The following MTURN variants were observed in gnomAD, a reference collection of about 807,000 sequenced individuals.
The protein encoded by MTURN is maturin, neural progenitor differentiation regulator homolog, also known as maturin.
In MTURN, 7 loss-of-function variants were observed where a neutral mutation model predicts 14.9. The ratio of observed to expected loss-of-function variants is 0.47; its 90% CI spans 0.27 to 0.88. The LOEUF is 0.88. Among genes scored for constraint, MTURN ranks in the 40% least tolerant of loss-of-function variants. MTURN has a pLI of 0.14. For synonymous variants in MTURN, 69 were observed against 72.5 expected (o/e 0.95, Z 0.25); for missense variants, 151 against 174.1 (o/e 0.87, Z 0.75).
At chr7:30,148,734 A>G (rs889851155) in intron 2 of MTURN, among the ~76,000 whole-genome samples, 1 of 131,534 alleles carries the variant, frequency 7.6e-6, no homozygotes, top group Non-Finnish European at 1.6e-5. Flanking sequence ...AGTGAAGGGA[A>G]TGGCCTAGTC....
rs970020280 is a variant in MTURN, at chr7:30,158,366, C to T, written c.*818C>T. 11 of 152,600 alleles carry T rather than the reference C, an allele frequency of 7.2e-5. No individual in the cohort carries two copies. The highest frequency in any genetic ancestry group is 2.0e-4 in the Admixed American group (3 of 15,282). 9.5% of individuals were successfully genotyped at this position (152,600 alleles called of 1,614,324 possible). A position where few individuals can be genotyped will look rare whatever the true frequency, so the allele number is the denominator to read the frequency against. Reference sequence around the variant, plus strand: ...TTCTCTCTTTCTAATGAGATGGCCGCTTGTTAAATCATGAAAACATCCAGA... The same window carrying T: ...TTCTCTCTTTCTAATGAGATGGCCGTTTGTTAAATCATGAAAACATCCAGA... On this transcript the variant is annotated 3_prime_UTR_variant, in exon 3 of 3. Coordinates refer to ENST00000324453, the MANE Select transcript of MTURN (RefSeq NM_152793.3).
chr7:30,152,306 T>C (rs977714846), intron 2 of MTURN, among the ~76,000 whole-genome samples: 2 of 152,056 alleles, frequency 1.3e-5, no homozygotes, highest in South Asian at 4.1e-4. Context: ...GAAGACTGAC[T>C]GACAGACCAG....
intron 1 of MTURN, 74 bp downstream of exon 1, chr7:30,135,372 C>A: frequency 7.4e-7 from 1 of 1,360,542 alleles, no homozygotes; most frequent in Non-Finnish European, 9.6e-7. Context: ...CGCCCGAGCT[C>A]CCGCGCGGTG....
intron 1 of MTURN, among the ~76,000 whole-genome samples, chr7:30,138,952 A>G (rs1797008104): frequency 6.6e-6 from 1 of 151,998 alleles, no homozygotes; most frequent in South Asian, 2.1e-4. Flanking sequence ...GCCCAAGAGA[A>G]GCCTTCCTGA....
chr7:30,145,263 C>A (rs1414769121), intron 1 of MTURN, among the ~76,000 whole-genome samples: 1 of 152,176 alleles, frequency 6.6e-6, no homozygotes, highest in African/African-American at 2.4e-5. Flanking sequence ...GTAGTCCCAG[C>A]AATTTGGGAG....
intron 1 of MTURN, among the ~76,000 whole-genome samples, chr7:30,138,855 G>A (rs1797006658): frequency 6.6e-6 from 1 of 152,090 alleles, no homozygotes; most frequent in Non-Finnish European, 1.5e-5. Flanking sequence ...GCGCATTCCT[G>A]CCTCAAGGCC....
chr7:30,141,569 G>C (rs1048088881), intron 1 of MTURN, among the ~76,000 whole-genome samples: 1 of 152,060 alleles, frequency 6.6e-6, no homozygotes, highest in African/African-American at 2.4e-5. Flanking sequence ...TCTTGCTCAC[G>C]CTGGAGTACA....
rs538567134 is a variant in MTURN, at chr7:30,159,552, A to G, written c.*2004A>G. On this transcript the variant is annotated 3_prime_UTR_variant, in exon 3 of 3. Coordinates refer to ENST00000324453, the MANE Select transcript of MTURN (RefSeq NM_152793.3). ...TCAAAAAAGTGTTTAGACTTTGACC[A>G]AATACATGTTGGTATTATCATGTTA... 2.4e-4 allele frequency: 36 copies of G among 152,798 alleles called. 1 individual carries two copies. The highest frequency in any genetic ancestry group is 9.1e-4 in the Admixed American group (14 of 15,308). 9.5% of individuals were successfully genotyped at this position (152,798 alleles called of 1,614,324 possible).
At chr7:30,154,862 C>T (rs1456129728) in intron 2 of MTURN, among the ~76,000 whole-genome samples, 5 of 152,114 alleles carry the variant, frequency 3.3e-5, no homozygotes, top group African/African-American at 1.2e-4. Flanking sequence ...AGTAGATGTG[C>T]TGGTTTCATC....
At chr7:30,144,672 G>A (rs1797102837) in intron 1 of MTURN, among the ~76,000 whole-genome samples, 1 of 152,088 alleles carries the variant, frequency 6.6e-6, no homozygotes, top group African/African-American at 2.4e-5. Context: ...ACAGATAATT[G>A]GGGTATAAAG....
chr7:30,145,785 G>C, intron 1 of MTURN: 1 of 1,477,116 alleles, frequency 6.8e-7, no homozygotes, highest in Non-Finnish European at 9.0e-7. Context: ...TTCAGCCGTA[G>C]CTGAAAGCAA....
At chr7:30,146,553 G>GT (rs374605521) in intron 2 of MTURN, among the ~76,000 whole-genome samples, 1 of 152,082 alleles carries the variant, frequency 6.6e-6, no homozygotes, top group Non-Finnish European at 1.5e-5. Context: ...CCCTGATGGG[G>GT]GGGGAAGCAA....
At chr7:30,145,190 A>G (rs1386763694) in intron 1 of MTURN, among the ~76,000 whole-genome samples, 1 of 152,144 alleles carries the variant, frequency 6.6e-6, no homozygotes, top group Admixed American at 6.5e-5. Context: ...CCTCACATGG[A>G]AAAAAGCCTT....
chr7:30,149,894 ACT>A (rs1797183422), intron 2 of MTURN, among the ~76,000 whole-genome samples: 1 of 152,030 alleles, frequency 6.6e-6, no homozygotes, highest in Non-Finnish European at 1.5e-5. Flanking sequence ...TGCCTACTGC[ACT>A]CTACTGGTTC....
intron 2 of MTURN, among the ~76,000 whole-genome samples, chr7:30,150,567 C>A (rs935845057): frequency 2.0e-5 from 3 of 152,176 alleles, no homozygotes; most frequent in African/African-American, 4.8e-5. Flanking sequence ...TCTAAGTTTT[C>A]TATGATCACA....
At chr7:30,142,731 C>G (rs952918230) in intron 1 of MTURN, among the ~76,000 whole-genome samples, 2 of 152,158 alleles carry the variant, frequency 1.3e-5, no homozygotes, top group South Asian at 4.1e-4. Flanking sequence ...AGAACCGCTT[C>G]CCTCTACTCC....
In MTURN at chr7:30,138,842, C is replaced by T. The variant is rs75039269; in HGVS notation, c.162+3544C>T. 4.0e-3 allele frequency among the ~76,000 whole-genome samples: 611 copies of T among 152,322 alleles called. 6 individuals are homozygous for T. Among genetic ancestry groups the T allele is most frequent in the African/African-American group, 0.014 (595 of 41,570 alleles). On this transcript the variant is annotated intron_variant, in intron 1 of 2. Transcript: ENST00000324453. ...AGACCCTGCTGGTCCTCAGATGTGC[C>T]AAGCGCATTCCTGCCTCAAGGCCTT... is the stretch of plus-strand genomic sequence containing the variant.
chr7:30,136,225 A>G (rs1796958237), intron 1 of MTURN, among the ~76,000 whole-genome samples: 1 of 152,196 alleles, frequency 6.6e-6, no homozygotes, highest in Non-Finnish European at 1.5e-5. Context: ...GCGGTGTCCA[A>G]ACCTTCCACT....
In MTURN at chr7:30,135,403, G is replaced by T. The variant is rs1242646191; in HGVS notation, c.162+105G>T. The stretch of plus-strand genomic sequence containing the variant: ...CGGTGGGCGGCGGTGGGCGCAGAGT[G>T]GGGGGCCGTAACCCGCGCCCCGCGC... On this transcript the variant is annotated intron_variant, in intron 1 of 2. Transcript: ENST00000324453. 14 of 1,071,718 alleles carry T rather than the reference G, an allele frequency of 1.3e-5. No homozygotes were observed. In the East Asian group the frequency reaches 4.9e-4, roughly 38 times the overall value. The allele number at this position is 1,071,718 out of a possible 1,614,324, so 66.4% of individuals were successfully genotyped here.
Sources: gnomAD v4.1 joint callset for allele counts (sites outside exome capture counted in the v4.1 genomes callset) on GRCh38, gnomAD v4.1.1 for gene constraint, MANE v1.5 for transcripts, NCBI Gene and HGNC (gene_info 2026-07-23, HGNC 2026-07-21) for gene names.